The following PTPN14 variants were observed in gnomAD, a reference collection of about 807,000 sequenced individuals.
PTPN14 encodes the protein protein tyrosine phosphatase non-receptor type 14.
A neutral mutation model predicts 126.8 loss-of-function variants in PTPN14; 53 were observed. That is an observed-to-expected ratio of 0.42 (90% CI 0.34 to 0.53). The LOEUF is 0.53. Ranked by LOEUF, PTPN14 falls within the 20% of genes least tolerant of loss-of-function variation. The pLI is 0.08. For synonymous variants in PTPN14, 630 were observed against 599.3 expected, an observed-to-expected ratio of 1.05 and a Z score of -0.75; for missense variants, 1,257 against 1,552.9, an observed-to-expected ratio of 0.81 and a Z score of 3.20.
intron 1 of PTPN14, chr1:214,533,079 T>A: frequency 1.4e-6 from 1 of 738,390 alleles, no homozygotes; most frequent in South Asian, 1.4e-5. Flanking sequence ...AGCTGGGACG[T>A]ACGGTCCAGT....
chr1:214,539,611 CA>C (rs1405246961), intron 1 of PTPN14, among the ~76,000 whole-genome samples: 1 of 151,858 alleles, frequency 6.6e-6, no homozygotes, highest in East Asian at 1.9e-4. Context: ...TAATTTATTC[CA>C]AAGGAATAAT....
intron 1 of PTPN14, among the ~76,000 whole-genome samples, chr1:214,470,108 G>A (rs779253710): frequency 4.0e-5 from 5 of 123,906 alleles, no homozygotes; most frequent in African/African-American, 6.5e-5. Flanking sequence ...GCAAAATAGC[G>A]AGACTTTGAC....
At chr1:214,534,753 A>G (rs926517191) in intron 1 of PTPN14, among the ~76,000 whole-genome samples, 2 of 152,190 alleles carry the variant, frequency 1.3e-5, no homozygotes, top group Admixed American at 1.3e-4. Context: ...AGACGGAATT[A>G]TTGATCCCGA....
Position 214,507,495 on chromosome 1 carries a change from C to A in PTPN14, c.-154-42538G>T, listed in dbSNP as rs542016689. The stretch of plus-strand genomic sequence containing the variant: ...GTCAGTATAGCTCATCCTAGAAGAA[C>A]ACTTTCAAGACATATATAGAACACC... On this transcript the variant is annotated intron_variant, in intron 1 of 18. Transcript: ENST00000366956. Among the ~76,000 whole-genome samples the A allele has an allele frequency of 2.0e-5, 3 of 152,198 alleles. No individual in the cohort carries two copies. In the South Asian group the frequency reaches 6.2e-4, roughly 32 times the overall value.
rs367888207 is a variant in PTPN14, at chr1:214,521,936, C to CT, written c.-155+29246dup. 6.8e-3 allele frequency among the ~76,000 whole-genome samples: 678 copies of CT among 99,916 alleles called. 6 individuals carry two copies. Among genetic ancestry groups the CT allele is most frequent in the African/African-American group, 0.011 (240 of 22,206 alleles). The allele number at this position is 99,916 out of a possible 152,430, so 65.5% of individuals were successfully genotyped here. Reference sequence around the variant, plus strand: ...TCTTCAACAAAATATAAATCTGAAGCTTTTTTTTTTTTTTTTTTGAGATGG... The same window carrying CT: ...TCTTCAACAAAATATAAATCTGAAGCTTTTTTTTTTTTTTTTTTTGAGATGG... On this transcript the variant is annotated intron_variant, in intron 1 of 18. Transcript: ENST00000366956.
chr1:214,438,055 T>C (rs2102617110), intron 3 of PTPN14, among the ~76,000 whole-genome samples: 1 of 152,358 alleles, frequency 6.6e-6, no homozygotes, highest in Non-Finnish European at 1.5e-5. Context: ...ATGTCTTATT[T>C]TTATTTTTTA....
chr1:214,447,573 A>AT (rs201429099), intron 3 of PTPN14, among the ~76,000 whole-genome samples: 57 of 147,632 alleles, frequency 3.9e-4, no homozygotes, highest in East Asian at 3.0e-3. Context: ...GATTTCTTAC[A>AT]TTTTTTTTTT....
intron 1 of PTPN14, among the ~76,000 whole-genome samples, chr1:214,485,883 A>G (rs938605108): frequency 5.3e-5 from 8 of 151,976 alleles, no homozygotes; most frequent in Non-Finnish European, 8.8e-5. Flanking sequence ...CCGCCGCCAC[A>G]CCCAGCTAAT....
At chr1:214,502,058 CAAAAAAAAAA>C (rs60034306) in intron 1 of PTPN14, among the ~76,000 whole-genome samples, 1 of 70,996 alleles carries the variant, frequency 1.4e-5, no homozygotes, top group Admixed American at 1.7e-4. Context: ...GGCTCTGTCT[CAAAAAAAAAA>C]AAAAAAAAAA....
chr1:214,404,800 T>C (rs1571978657), intron 5 of PTPN14, among the ~76,000 whole-genome samples: 1 of 152,170 alleles, frequency 6.6e-6, no homozygotes. Flanking sequence ...GCTGAAGAAA[T>C]GCCATTTAAC....
At chr1:214,365,436 T>C (rs73074017) in intron 17 of PTPN14, among the ~76,000 whole-genome samples, 8 of 151,898 alleles carry the variant, frequency 5.3e-5, no homozygotes, top group East Asian at 1.9e-4. Flanking sequence ...TTCACAACCA[T>C]GACAAAAGAG....
chr1:214,533,534 T>TA (rs566782675), intron 1 of PTPN14: 37,368 of 209,242 alleles, frequency 0.18, 2,194 homozygotes, highest in African/African-American at 0.27. Flanking sequence ...GCGGTTTAAA[T>TA]AAAAAAAAAA....
chr1:214,446,609 C>T (rs1572005269), intron 3 of PTPN14, among the ~76,000 whole-genome samples: 1 of 152,116 alleles, frequency 6.6e-6, no homozygotes, highest in Admixed American at 6.5e-5. Context: ...GTTCTGAATA[C>T]ACTACTGACC....
chr1:214,443,467 G>T (rs1312585381), intron 3 of PTPN14, among the ~76,000 whole-genome samples: 1 of 151,952 alleles, frequency 6.6e-6, no homozygotes, highest in Non-Finnish European at 1.5e-5. Flanking sequence ...TTCCCTTGAG[G>T]GTTTATTAAA....
At chr1:214,397,564 C>CT (rs1313154851) in intron 8 of PTPN14, among the ~76,000 whole-genome samples, 5 of 152,186 alleles carry the variant, frequency 3.3e-5, no homozygotes, top group African/African-American at 1.2e-4. Flanking sequence ...ACATAAAAAT[C>CT]AGTTGGCACT....
chr1:214,511,221 A>T (rs61820689), intron 1 of PTPN14, among the ~76,000 whole-genome samples: 1,601 of 152,248 alleles, frequency 0.011, 15 homozygotes, highest in South Asian at 0.03. Flanking sequence ...TGAATGGATA[A>T]CCTTTTGCCT....
In PTPN14 at chr1:214,353,153, A is replaced by T. The variant is rs1657738179; in HGVS notation, c.*4769T>A. On this transcript the variant is annotated 3_prime_UTR_variant, in exon 19 of 19. Coordinates refer to ENST00000366956, the MANE Select transcript of PTPN14 (RefSeq NM_005401.5). ...CCCAAACGAAAATCAGTAACGAAAT[A>T]GTTGTCCTTTACCAAAGGGGGCAAT... The T allele has an allele frequency of 6.6e-6, 1 of 152,076 alleles. No individual in the cohort carries two copies. The highest frequency in any genetic ancestry group is 6.6e-5 in the Admixed American group (1 of 15,250). The allele number at this position is 152,076 out of a possible 1,614,324, so 9.4% of individuals were successfully genotyped here. A position where few individuals can be genotyped will look rare whatever the true frequency, so the allele number is the denominator to read the frequency against.
chr1:214,395,030 G>C (rs368995740), intron 8 of PTPN14, 44 bp from the exon 9 acceptor site: 52 of 1,524,312 alleles, frequency 3.4e-5, no homozygotes, highest in African/African-American at 1.6e-4. Flanking sequence ...CAATGTTCCA[G>C]GCATTTATGA....
At chr1:214,440,502 A>G (rs189559013) in intron 3 of PTPN14, among the ~76,000 whole-genome samples, 25 of 152,358 alleles carry the variant, frequency 1.6e-4, no homozygotes, top group Non-Finnish European at 2.6e-4. Flanking sequence ...TCTGCAGTAG[A>G]AAGTTGACAG....
Sources: allele counts gnomAD v4.1 joint callset (sites outside exome capture counted in the v4.1 genomes callset), GRCh38; gene constraint gnomAD v4.1.1; transcripts MANE v1.5; gene names NCBI Gene and HGNC (gene_info 2026-07-23, HGNC 2026-07-21).